WDHD1: variants seen among roughly 807,000 people sequenced by gnomAD.
WDHD1 encodes the protein WD repeat and HMG-box DNA binding protein 1.
In WDHD1, 111 loss-of-function variants were observed where a neutral mutation model predicts 135.4. The ratio of observed to expected loss-of-function variants is 0.82; its 90% CI spans 0.70 to 0.96. The LOEUF (loss-of-function observed/expected upper bound fraction) is 0.96. Ranked by LOEUF, WDHD1 falls within the 40% of genes least tolerant of loss-of-function variation. The pLI is 0.00. For missense variants in WDHD1, 1,351 were observed against 1,336.3 expected (o/e 1.01, Z -0.17); for synonymous variants, 434 against 439.0 (o/e 0.99, Z 0.14).
Position 54,944,365 on chromosome 14 carries a change from A to C in WDHD1, c.3156T>G (p.Ile1052Met). The change falls in exon 25 of 26, where the codon ATT becomes ATG. Residue 1052 changes from isoleucine to methionine, a missense_variant. Around this residue, in one of 2 missense-constraint regions of WDHD1, gnomAD observed 1,330 missense variants for 1,296.1 expected, o/e 1.03. Transcript: ENST00000360586. ...DEADIIKEGMIRFRVLSTEER... is the reference protein window; with the variant it reads ...DEADIIKEGMMRFRVLSTEER... Reference sequence around the variant, plus strand: ...CTTCAGTTGACAATACTCTAAATCGAATCATTCCTTCTTTTATTATGTCTG... The same window carrying C: ...CTTCAGTTGACAATACTCTAAATCGCATCATTCCTTCTTTTATTATGTCTG... The C allele has an allele frequency of 1.2e-6, 2 of 1,608,002 alleles. No homozygotes were observed. The highest frequency in any genetic ancestry group is 8.5e-7 in the Non-Finnish European group (1 of 1,178,868).
chr14:54,984,619 T>G, intron 15 of WDHD1, 104 bp downstream of exon 15: 1 of 990,882 alleles, frequency 1.0e-6, no homozygotes, highest in Non-Finnish European at 1.3e-6. Flanking sequence ...TAGAGATAAT[T>G]TATTCTTAAA....
chr14:54,963,036 G>A lies in WDHD1; in HGVS notation c.2447C>T (p.Ala816Val). ...LILAQKLSEL[A>V]VEKAAELTAT... ...TGTCAATTCGGCTGCCTTCTCTACAGCCAGTTCACTTAGTTTTTGAGCCAG... is the reference window on the plus strand; with the variant it reads ...TGTCAATTCGGCTGCCTTCTCTACAACCAGTTCACTTAGTTTTTGAGCCAG... The change falls in exon 19 of 26, where the codon GCT (alanine) becomes GTT (valine). Residue 816 changes from alanine to valine, a missense_variant. Ala to Val is a moderately conservative substitution (Grantham distance 64). Around this residue, in one of 2 missense-constraint regions of WDHD1, gnomAD observed 1,330 missense variants for 1,296.1 expected, o/e 1.03. Coordinates refer to ENST00000360586, the MANE Select transcript of WDHD1 (RefSeq NM_007086.4). 6.2e-7 allele frequency: 1 copy of A among 1,613,704 alleles called. No homozygotes were observed. Among genetic ancestry groups the A allele is most frequent in the Non-Finnish European group, 8.5e-7 (1 of 1,179,946 alleles).
At chr14:55,008,538 A>C in intron 5 of WDHD1, 70 bp downstream of exon 5, 3 of 1,479,644 alleles carry the variant, frequency 2.0e-6, no homozygotes, top group Non-Finnish European at 1.8e-6. Context: ...AATTTTTTAG[A>C]GAGTTAGTAG....
Position 54,957,160 on chromosome 14 carries a change from T to C in WDHD1, c.2790A>G (p.Ala930=). 6.2e-7 allele frequency: 1 copy of C among 1,614,202 alleles called. No individual in the cohort carries two copies. The change falls in exon 23 of 26, where the codon GCA becomes GCG. Residue 930 remains alanine, a synonymous_variant. Transcript: ENST00000360586. ...SKEPAMSMNS[A]RSTNILDNMG... ...TATTGTCTAAAATATTAGTTGAACG[T>C]GCTGAATTCATTGACATGGCTGGTT...
chr14:54,989,082 T>A lies in WDHD1; in HGVS notation c.1472A>T (p.Asp491Val). The change falls in exon 13 of 26, where the codon GAT (aspartate) becomes GTT (valine). Residue 491 changes from aspartate (D) to valine (V), a missense_variant. Asp to Val is a radical substitution (Grantham distance 152). Coordinates refer to ENST00000360586, the MANE Select transcript of WDHD1 (RefSeq NM_007086.4). Reference protein sequence around the residue: ...LSNTLNYTIADLSHEAILLAC... With the variant: ...LSNTLNYTIAVLSHEAILLAC... ...CAACAAAATAGCTTCGTGGGAAAGA[T>A]CTGCTATTGTATAATTCAAAGTGTT... The A allele has an allele frequency of 6.2e-7, 1 of 1,613,542 alleles. No homozygotes were observed. The highest frequency in any genetic ancestry group is 8.5e-7 in the Non-Finnish European group (1 of 1,179,662).
At position 55,008,724 on chromosome 14, in the gene WDHD1, G is replaced by T; in HGVS notation, c.342-5C>A. 1 of 1,593,848 alleles carries T rather than the reference G, an allele frequency of 6.3e-7. No individual in the cohort carries two copies. Among genetic ancestry groups the T allele is most frequent in the Middle Eastern group, 1.7e-4 (1 of 5,954 alleles). ...ACAATTTTGACTAGAAAATCACTAA[G>T]AACAAAAAGAGTAACGCAAATGAAT... On this transcript the variant is annotated splice_region_variant and splice_polypyrimidine_tract_variant and intron_variant, in intron 4 of 25. Coordinates refer to ENST00000360586, the MANE Select transcript of WDHD1 (RefSeq NM_007086.4).
At chr14:54,976,737 AAATAAAT>A (rs1214870579) in intron 16 of WDHD1, among the ~76,000 whole-genome samples, 1 of 152,110 alleles carries the variant, frequency 6.6e-6, no homozygotes, top group Non-Finnish European at 1.5e-5. Context: ...ATATACCAAA[AAATAAAT>A]AATAAATAAT....
chr14:54,993,715 A>G (rs1019947832), intron 11 of WDHD1, among the ~76,000 whole-genome samples: 9 of 151,598 alleles, frequency 5.9e-5, no homozygotes, highest in Admixed American at 5.9e-4. Flanking sequence ...TATGATAGAC[A>G]TTACAAAGAT....
At chr14:55,026,374 T>C (rs777190712) in intron 2 of WDHD1, among the ~76,000 whole-genome samples, 4 of 151,954 alleles carry the variant, frequency 2.6e-5, no homozygotes, top group Non-Finnish European at 5.9e-5. Context: ...TGGAAGGATA[T>C]CATTCCAAAC....
rs959348094 is a variant in WDHD1 at position 54,984,627 on chromosome 14, AAATT to A, written c.1906+92_1906+95del. On this transcript the variant is annotated intron_variant, in intron 15 of 25. Transcript: ENST00000360586. The stretch of plus-strand genomic sequence containing the variant: ...TATAAAATAGAGATAATTTATTCTT[AAATT>A]AATTAGGAATAAAACAATGAAATAA... 13 of 1,026,182 alleles carry A rather than the reference AAATT, an allele frequency of 1.3e-5. No individual in the cohort carries two copies. The African/African-American group carries it at 1.5e-4, about 12-fold the overall frequency. The allele number at this position is 1,026,182 out of a possible 1,614,324, so 63.6% of individuals were successfully genotyped here. A position where few individuals can be genotyped will look rare whatever the true frequency, so the allele number is the denominator to read the frequency against.
chr14:54,998,886 A>G (rs111770978), intron 10 of WDHD1, among the ~76,000 whole-genome samples: 2 of 152,356 alleles, frequency 1.3e-5, no homozygotes, highest in African/African-American at 4.8e-5. Context: ...ACACTTATAA[A>G]GTATGCCAAA....
chr14:55,000,138 A>C (rs1294569550), intron 10 of WDHD1, among the ~76,000 whole-genome samples: 1 of 152,216 alleles, frequency 6.6e-6, no homozygotes, highest in Non-Finnish European at 1.5e-5. Flanking sequence ...GTGCCTGTTT[A>C]AAGTTGCTCA....
chr14:55,001,254 C>G (rs951276948), intron 8 of WDHD1, among the ~76,000 whole-genome samples: 8 of 152,078 alleles, frequency 5.3e-5, no homozygotes, highest in Non-Finnish European at 4.4e-5. Context: ...AAAAATTATA[C>G]TGGCACCATT....
chr14:54,991,068 C>A, intron 12 of WDHD1, 145 bp downstream of exon 12: 1 of 514,720 alleles, frequency 1.9e-6, no homozygotes, highest in Non-Finnish European at 3.5e-6. Context: ...ATAAAATAAA[C>A]CAACCACAAA....
intron 24 of WDHD1, among the ~76,000 whole-genome samples, chr14:54,951,581 G>A (rs371541612): frequency 6.6e-6 from 1 of 152,200 alleles, no homozygotes; most frequent in African/African-American, 2.4e-5. Flanking sequence ...ACAAGGAGGA[G>A]CTGTTACCAT....
chr14:54,944,417 G>A lies in WDHD1; in HGVS notation c.3104C>T (p.Ser1035Phe). ...TTCATCTGAAAAGTCAGGATTGTCA[G>A]ACAAAATATTACTTCTATTTTCTTC... ...WLEENRSNIL[S>F]DNPDFSDEAD... is the part of the protein sequence containing the mutation. The change falls in exon 25 of 26, where the codon TCT (serine) becomes TTT (phenylalanine). Residue 1035 changes from serine to phenylalanine, a missense_variant. Coordinates refer to ENST00000360586, the MANE Select transcript of WDHD1 (RefSeq NM_007086.4). The A allele has an allele frequency of 6.2e-7, 1 of 1,607,852 alleles. No homozygotes were observed. The highest frequency in any genetic ancestry group is 8.5e-7 in the Non-Finnish European group (1 of 1,178,840).
intron 2 of WDHD1, among the ~76,000 whole-genome samples, chr14:55,021,529 G>A (rs1404041345): frequency 7.9e-5 from 12 of 151,952 alleles, no homozygotes; most frequent in Admixed American, 3.3e-4. Context: ...GATTACAGGC[G>A]TATGCCAACA....
intron 14 of WDHD1, among the ~76,000 whole-genome samples, 197 bp downstream of exon 14, chr14:54,986,945 TTCTC>T (rs924475832): frequency 1.3e-5 from 2 of 152,204 alleles, no homozygotes; most frequent in Non-Finnish European, 2.9e-5. Context: ...CACCTTGGAA[TTCTC>T]TCTATAATAT....
intron 14 of WDHD1, 74 bp from the exon 15 acceptor site, chr14:54,984,934 T>C (rs1020220990): frequency 9.1e-5 from 142 of 1,563,580 alleles, no homozygotes; most frequent in Middle Eastern, 1.7e-4. Context: ...TTATTTTCTG[T>C]GAATTGATTT....
Sources: allele counts gnomAD v4.1 joint callset (sites outside exome capture counted in the v4.1 genomes callset), GRCh38; gene constraint gnomAD v4.1.1; regional missense constraint gnomAD v4.1.1; transcripts MANE v1.5; gene names NCBI Gene and HGNC (gene_info 2026-07-23, HGNC 2026-07-21).